NAXE: variants seen among roughly 807,000 people sequenced by gnomAD.
The protein encoded by NAXE is NAD(P)HX epimerase, also known as NAD(P)H-hydrate epimerase.
In NAXE, 25 loss-of-function variants were observed where a neutral mutation model predicts 31.2. The ratio of observed to expected loss-of-function variants is 0.80; its 90% confidence interval spans 0.58 to 1.12. NAXE has a LOEUF of 1.12. Ranked by LOEUF, NAXE falls within the 50% of genes most tolerant of loss-of-function variation. The pLI is 0.00. For synonymous variants in NAXE, 144 were observed against 154.5 expected, an observed-to-expected ratio of 0.93 and a Z score of 0.50; for missense variants, 362 against 376.1, an observed-to-expected ratio of 0.96 and a Z score of 0.31.
At position 156,593,669 on chromosome 1, in the gene NAXE, A is replaced by T. The variant is rs117805085; in HGVS notation, c.664+114A>T. Reference sequence around the variant, plus strand: ...AGAGGGGCAGAACACAGCTTTCTGGACCCCCATCAGGGCTGGGGAACAGTG... The same window carrying T: ...AGAGGGGCAGAACACAGCTTTCTGGTCCCCCATCAGGGCTGGGGAACAGTG... On this transcript the variant is annotated intron_variant, in intron 5 of 5. Coordinates refer to ENST00000368235, the MANE Select transcript of NAXE (RefSeq NM_144772.3). 1.3e-3 allele frequency: 1,909 copies of T among 1,472,064 alleles called. 42 individuals carry two copies. The East Asian group carries it at 0.033, about 25-fold the overall frequency. 91.2% of individuals were successfully genotyped at this position (1,472,064 alleles called of 1,614,324 possible).
At chr1:156,593,278 G>C (rs1677393034) in intron 4 of NAXE, 130 bp from the exon 5 acceptor site, 1 of 1,237,644 alleles carries the variant, frequency 8.1e-7, no homozygotes, top group Non-Finnish European at 1.1e-6. Context: ...CTAGGCCTCA[G>C]GCTGCCCTCT....
chr1:156,592,222 A>G lies in NAXE; in HGVS notation c.291+13A>G. ...AGCCATCGCCAAGGTCAGTGGCACA[A>G]CTCTCGACCTTTGGGAGCAGCCAGG... On this transcript the variant is annotated intron_variant, in intron 2 of 5. Transcript: ENST00000368235. The G allele has an allele frequency of 6.2e-7, 1 of 1,613,258 alleles. No homozygotes were observed. Among genetic ancestry groups the G allele is most frequent in the Non-Finnish European group, 8.5e-7 (1 of 1,179,658 alleles).
chr1:156,592,990 A>C (rs1677379859), intron 4 of NAXE: 1 of 417,446 alleles, frequency 2.4e-6, no homozygotes. Context: ...CCCTATCTGA[A>C]ACCCTTCCTG....
chr1:156,593,694 G>T, intron 5 of NAXE, 139 bp downstream of exon 5: 1 of 1,381,770 alleles, frequency 7.2e-7, no homozygotes, highest in Non-Finnish European at 9.9e-7. Context: ...GGGGAACAGT[G>T]TTCAGAAGTC....
chr1:156,593,686 GGAACAGTGTTCA>G (rs953765654), intron 5 of NAXE, 131 bp downstream of exon 5: 91 of 1,423,590 alleles, frequency 6.4e-5, no homozygotes, highest in Non-Finnish European at 8.2e-5. Flanking sequence ...TCAGGGCTGG[GGAACAGTGTTCA>G]GAAGTCCCCT....
rs1419632509 is a variant in NAXE, at chr1:156,592,153, A to G, written c.235A>G (p.Ser79Gly). 5.0e-6 allele frequency: 8 copies of G among 1,614,250 alleles called. No homozygotes were observed. Among genetic ancestry groups the G allele is most frequent in the South Asian group, 2.2e-5 (2 of 91,088 alleles). The change falls in exon 2 of 6, where the codon AGC becomes GGC. Residue 79 changes from serine to glycine, a missense_variant. Ser to Gly is a moderately conservative substitution (Grantham distance 56, BLOSUM62 0). Coordinates refer to ENST00000368235, the MANE Select transcript of NAXE (RefSeq NM_144772.3). Reference sequence around the variant, plus strand: ...GGAGCTATTTAACGAATACCAGTTCAGCGTGGACCAACTTATGGAACTGGC... The same window carrying G: ...GGAGCTATTTAACGAATACCAGTTCGGCGTGGACCAACTTATGGAACTGGC... ...DQELFNEYQF[S>G]VDQLMELAGL...
rs1037368315 is a variant in NAXE, at chr1:156,594,171, A to G, written c.*87A>G. 197 of 1,427,446 alleles carry G rather than the reference A, an allele frequency of 1.4e-4. No homozygotes were observed. The highest frequency in any genetic ancestry group is 1.8e-4 in the Non-Finnish European group (186 of 1,030,122). The allele number at this position is 1,427,446 out of a possible 1,614,324, so 88.4% of individuals were successfully genotyped here. A position where few individuals can be genotyped will look rare whatever the true frequency, so the allele number is the denominator to read the frequency against. ...GATTCCTGGGAGCTCCTCTGGCAAT[A>G]AAAGTCAGTGAATGGTGGAAGTCAG... is the stretch of plus-strand genomic sequence containing the variant. On this transcript the variant is annotated 3_prime_UTR_variant, in exon 6 of 6. Transcript: ENST00000368235.
At position 156,594,013 on chromosome 1, in the gene NAXE, G is replaced by A. The variant is rs143449130; in HGVS notation, c.796G>A (p.Ala266Thr). 732 of 1,614,032 alleles carry A rather than the reference G, an allele frequency of 4.5e-4. No individual in the cohort carries two copies. Among genetic ancestry groups the A allele is most frequent in the Non-Finnish European group, 3.3e-4 (387 of 1,180,018 alleles). Residue 266 changes from alanine to threonine, a missense_variant, in exon 6 of 6, where the codon GCT (alanine) becomes ACT (threonine). Ala to Thr is a moderately conservative substitution (Grantham distance 58, BLOSUM62 0). Transcript: ENST00000368235. Reference sequence around the variant, plus strand: ...CCTGGGGGGTCGTTTTGTGCCACCTGCTCTGGAGAAGAAGTACCAGCTGAA... The same window carrying A: ...CCTGGGGGGTCGTTTTGTGCCACCTACTCTGGAGAAGAAGTACCAGCTGAA... ...HYLGGRFVPP[A>T]LEKKYQLNLP...
In NAXE at chr1:156,593,871, CCT is replaced by C. The variant is rs1557963397; in HGVS notation, c.665-8_665-7del. ...CATCTGGCCTCTTCCTGAACACCAC[CCT>C]CTTTTCAGGATGGGACGTGGAGAAG... On this transcript the variant is annotated splice_polypyrimidine_tract_variant and intron_variant, in intron 5 of 5. Coordinates refer to ENST00000368235, the MANE Select transcript of NAXE (RefSeq NM_144772.3). The C allele has an allele frequency of 4.3e-6, 7 of 1,613,356 alleles. No homozygotes were observed. In the South Asian group the frequency reaches 7.7e-5, roughly 18 times the overall value.
At position 156,591,940 on chromosome 1, in the gene NAXE, C is replaced by T; in HGVS notation, c.136C>T (p.Arg46Cys). The part of the protein sequence containing the change: ...WGPQRLNSGG[R>C]WDSEVMASTV... ...ACCGCAGCGGCTGAACTCGGGTGGCCGCTGGGACTCAGAGGTCATGGCGAG... is the reference window on the plus strand; with the variant it reads ...ACCGCAGCGGCTGAACTCGGGTGGCTGCTGGGACTCAGAGGTCATGGCGAG... The change falls in exon 1 of 6, where the codon CGC (arginine) becomes TGC (cysteine). Residue 46 changes from arginine to cysteine, a missense_variant. Physicochemically the swap from Arg to Cys is radical, Grantham distance 180 (BLOSUM62 -3). Coordinates refer to ENST00000368235, the MANE Select transcript of NAXE (RefSeq NM_144772.3). 6.2e-7 allele frequency: 1 copy of T among 1,612,868 alleles called. No homozygotes were observed. Among genetic ancestry groups the T allele is most frequent in the Non-Finnish European group, 8.5e-7 (1 of 1,179,740 alleles).
rs7519690 is a variant in NAXE, at chr1:156,593,072, G to C, written c.517-336G>C. On this transcript the variant is annotated intron_variant, in intron 4 of 5. Transcript: ENST00000368235. ...AACCCATTTTACAGATGAAGATACT[G>C]AGGTGCAGAGAAGTGGTTTGCTTAA... is the stretch of plus-strand genomic sequence containing the variant. 2.0e-3 allele frequency: 820 copies of C among 407,050 alleles called. 5 individuals carry two copies. The highest frequency in any genetic ancestry group is 0.016 in the African/African-American group (777 of 49,040). The allele number at this position is 407,050 out of a possible 1,614,324, so 25.2% of individuals were successfully genotyped here. A position where few individuals can be genotyped will look rare whatever the true frequency, so the allele number is the denominator to read the frequency against.
rs147860026 is a variant in NAXE at position 156,593,473 on chromosome 1, C to T, written c.582C>T (p.Gly194=). The T allele has an allele frequency of 7.6e-5, 122 of 1,614,150 alleles. No individual in the cohort carries two copies. The African/African-American group carries it at 1.4e-3, about 18-fold the overall frequency. The change falls in exon 5 of 6, where the codon GGC becomes GGT. Residue 194 remains glycine, a synonymous_variant. Coordinates refer to ENST00000368235, the MANE Select transcript of NAXE (RefSeq NM_144772.3). The part of the protein sequence containing the change: ...VDAIFGFSFK[G]DVREPFHSIL... Reference sequence around the variant, plus strand: ...CCATCTTTGGCTTCAGCTTCAAGGGCGATGTTCGGGAACCGTTCCACAGCA... The same window carrying T: ...CCATCTTTGGCTTCAGCTTCAAGGGTGATGTTCGGGAACCGTTCCACAGCA...
chr1:156,591,912 G>A lies in NAXE; in HGVS notation c.108G>A (p.Trp36Ter). ...CCTGTCGCTCGGGACCCACCTGGTGGGGACCGCAGCGGCTGAACTCGGGTG... is the reference window on the plus strand; with the variant it reads ...CCTGTCGCTCGGGACCCACCTGGTGAGGACCGCAGCGGCTGAACTCGGGTG... ...TIACRSGPTW[W>*]GPQRLNSGGR... Residue 36 changes from tryptophan to a stop codon, truncating the protein, a stop_gained, in exon 1 of 6, where the codon TGG becomes TGA. Transcript: ENST00000368235. LOFTEE classifies it high-confidence loss of function. 6.2e-7 allele frequency: 1 copy of A among 1,612,622 alleles called. No homozygotes were observed. The highest frequency in any genetic ancestry group is 8.5e-7 in the Non-Finnish European group (1 of 1,179,676).
In NAXE at chr1:156,594,036, G is replaced by C; in HGVS notation, c.819G>C (p.Leu273=). 6.2e-7 allele frequency: 1 copy of C among 1,614,116 alleles called. No individual in the cohort carries two copies. The highest frequency in any genetic ancestry group is 8.5e-7 in the Non-Finnish European group (1 of 1,179,988). Reference sequence around the variant, plus strand: ...CTGCTCTGGAGAAGAAGTACCAGCTGAACCTGCCACCCTACCCTGACACCG... The same window carrying C: ...CTGCTCTGGAGAAGAAGTACCAGCTCAACCTGCCACCCTACCCTGACACCG... ...VPPALEKKYQ[L]NLPPYPDTEC... is the part of the protein sequence containing the mutation. The change falls in exon 6 of 6, where the codon CTG becomes CTC. Residue 273 remains leucine (L), a synonymous_variant. Coordinates refer to ENST00000368235, the MANE Select transcript of NAXE (RefSeq NM_144772.3).
intron 3 of NAXE, 28 bp downstream of exon 3, chr1:156,592,503 G>A (rs192049271): frequency 1.7e-5 from 27 of 1,613,540 alleles, no homozygotes; most frequent in Non-Finnish European, 4.2e-6. Context: ...GGCTGTGGGG[G>A]AGGAGGGCGT....
rs932573257 is a variant in NAXE at position 156,591,840 on chromosome 1, G to A, written c.36G>A (p.Leu12=). 4 of 1,609,208 alleles carry A rather than the reference G, an allele frequency of 2.5e-6. No individual in the cohort carries two copies. The highest frequency in any genetic ancestry group is 1.3e-5 in the African/African-American group (1 of 74,864). ...TGCGGGCGCTGCTGGGCCTCGGGCT[G>A]CTGGTTGCGGGCTCGCGCGTGCCGC... ...SRLRALLGLG[L]LVAGSRVPRI... Residue 12 remains leucine (L), a synonymous_variant, in exon 1 of 6, where the codon CTG becomes CTA. Transcript: ENST00000368235.
intron 4 of NAXE, chr1:156,592,972 A>G (rs562955743): frequency 3.4e-5 from 15 of 437,284 alleles, no homozygotes; most frequent in Non-Finnish European, 6.1e-5. Flanking sequence ...CAGGGGCCGG[A>G]GTGGCTGCCC....
Position 156,592,564 on chromosome 1 carries a change from A to G in NAXE, c.410A>G (p.Glu137Gly). 2.5e-6 allele frequency: 4 copies of G among 1,614,102 alleles called. No individual in the cohort carries two copies. The highest frequency in any genetic ancestry group is 2.5e-6 in the Non-Finnish European group (3 of 1,179,994). Residue 137 changes from glutamate to glycine, a missense_variant, in exon 4 of 6, where the codon GAG (glutamate) becomes GGG (glycine). Glu to Gly is a moderately conservative substitution (Grantham distance 98). Coordinates refer to ENST00000368235, the MANE Select transcript of NAXE (RefSeq NM_144772.3). ...CARHLKLFGY[E>G]PTIYYPKRPN... Reference sequence around the variant, plus strand: ...TTACCACTTTCTTCCTAGGGCTACGAGCCAACCATCTATTACCCCAAAAGG... The same window carrying G: ...TTACCACTTTCTTCCTAGGGCTACGGGCCAACCATCTATTACCCCAAAAGG...
rs1028760595 is a variant in NAXE, at chr1:156,592,685, T to C, written c.516+15T>C. 18 of 1,590,150 alleles carry C rather than the reference T, an allele frequency of 1.1e-5. No homozygotes were observed. Among genetic ancestry groups the C allele is most frequent in the East Asian group, 2.2e-5 (1 of 44,742 alleles). On this transcript the variant is annotated intron_variant, in intron 4 of 5. Transcript: ENST00000368235. ...TGCCCGCAGAGGTAGGTGGCTCCAG[T>C]TGAATACCTCCATCCTACAGTAACC...
Sources: allele counts gnomAD v4.1 joint callset, GRCh38; gene constraint gnomAD v4.1.1; transcripts MANE v1.5; gene names NCBI Gene and HGNC (gene_info 2026-07-23, HGNC 2026-07-21).